CLCN6: variants seen among roughly 807,000 people sequenced by gnomAD.
CLCN6 encodes the protein H(+)/Cl(-) exchange transporter 6.
In CLCN6, 70 loss-of-function variants were observed where a neutral mutation model predicts 109.8. The observed-to-expected ratio is 0.64, with a 90% CI of 0.53 to 0.78. The LOEUF is 0.78. Ranked by LOEUF, CLCN6 falls within the 30% of genes least tolerant of loss-of-function variation. The pLI, the probability that CLCN6 is intolerant of heterozygous loss-of-function variation, is 0.00. For synonymous variants in CLCN6, 444 were observed against 447.8 expected (o/e 0.99, Z 0.11); for missense variants, 984 against 1,142.3 (o/e 0.86, Z 2.00).
At chr1:11,818,416 G>A (rs1479472922) in intron 4 of CLCN6, among the ~76,000 whole-genome samples, 4 of 151,252 alleles carry the variant, frequency 2.6e-5, no homozygotes, top group Non-Finnish European at 5.9e-5. Context: ...GTATAATGTA[G>A]ATATTCGAAA....
intron 20 of CLCN6, 52 bp from the exon 21 acceptor site, chr1:11,838,283 C>T (rs1644974951): frequency 1.3e-6 from 2 of 1,534,204 alleles, no homozygotes; most frequent in East Asian, 2.3e-5. Context: ...CTAAGGTGAC[C>T]CTGCTGGCCA....
At chr1:11,827,624 T>G (rs1281738083) in intron 10 of CLCN6, among the ~76,000 whole-genome samples, 1 of 151,616 alleles carries the variant, frequency 6.6e-6, no homozygotes, top group South Asian at 2.1e-4. Context: ...TTAGTAGAGA[T>G]GGGGCTTCTG....
At chr1:11,833,211 A>G (rs1043923666) in intron 13 of CLCN6, among the ~76,000 whole-genome samples, 21 of 152,034 alleles carry the variant, frequency 1.4e-4, no homozygotes, top group African/African-American at 4.8e-4. Context: ...TAGCAGCATC[A>G]CTTAGAAAGT....
rs774165996 is a variant in CLCN6 at position 11,829,333 on chromosome 1, T to A, written c.1248+11T>A. Reference sequence around the variant, plus strand: ...TCATTCCAGCTCCAGGTAACCCCAGTGCACCTGCTACCTTTATCCCATACC... The same window carrying A: ...TCATTCCAGCTCCAGGTAACCCCAGAGCACCTGCTACCTTTATCCCATACC... On this transcript the variant is annotated intron_variant, in intron 13 of 22. Coordinates refer to ENST00000346436, the MANE Select transcript of CLCN6 (RefSeq NM_001286.5). The A allele has an allele frequency of 6.2e-7, 1 of 1,614,018 alleles. No individual in the cohort carries two copies. The highest frequency in any genetic ancestry group is 8.5e-7 in the Non-Finnish European group (1 of 1,179,918).
At chr1:11,825,450 C>T (rs1442794522) in intron 8 of CLCN6, among the ~76,000 whole-genome samples, 5 of 152,210 alleles carry the variant, frequency 3.3e-5, no homozygotes, top group Admixed American at 6.5e-5. Context: ...AGAGCAGACT[C>T]GGTCTTCTGC....
rs2100660816 is a variant in CLCN6, at chr1:11,838,347, C to T, written c.2308C>T (p.Pro770Ser). The T allele has an allele frequency of 1.2e-6, 2 of 1,613,728 alleles. No homozygotes were observed. The highest frequency in any genetic ancestry group is 1.1e-5 in the South Asian group (1 of 91,090). Residue 770 changes from proline (P) to serine (S), a missense_variant, in exon 21 of 23, where the codon CCG becomes TCG. Physicochemically the swap from Pro to Ser is moderately conservative, Grantham distance 74. Coordinates refer to ENST00000346436, the MANE Select transcript of CLCN6 (RefSeq NM_001286.5). ...YSESQSSASQPRLSYAEMAED... is the reference protein window; with the variant it reads ...YSESQSSASQSRLSYAEMAED... ...GTTGGAATTGCAGAGCGCCAGCCAG[C>T]CGCGCCTCTCCTATGCCGAGATGGC...
At chr1:11,806,751 T>G (rs1411000638) in intron 1 of CLCN6, 1 of 353,798 alleles carries the variant, frequency 2.8e-6, no homozygotes, top group East Asian at 5.2e-5. Flanking sequence ...CAGTCCAGCT[T>G]CCCCCTGCAA....
intron 2 of CLCN6, among the ~76,000 whole-genome samples, chr1:11,807,595 C>T (rs111776518): frequency 6.6e-6 from 1 of 152,218 alleles, no homozygotes; most frequent in African/African-American, 2.4e-5. Flanking sequence ...TTTTCTTGCT[C>T]AAGCAGCTTC....
rs774670547 is a variant in CLCN6 at position 11,838,517 on chromosome 1, C to G, written c.2404-18C>G. 1.2e-6 allele frequency: 2 copies of G among 1,607,214 alleles called. No individual in the cohort carries two copies. The highest frequency in any genetic ancestry group is 1.7e-6 in the Non-Finnish European group (2 of 1,174,340). On this transcript the variant is annotated intron_variant, in intron 21 of 22. Coordinates refer to ENST00000346436, the MANE Select transcript of CLCN6 (RefSeq NM_001286.5). ...CGTTGGCGTCTCAGGCAGTCAGTGACACGTGGTCTCTTTGCAGGATGTCAC... is the reference window on the plus strand; with the variant it reads ...CGTTGGCGTCTCAGGCAGTCAGTGAGACGTGGTCTCTTTGCAGGATGTCAC...
intron 2 of CLCN6, among the ~76,000 whole-genome samples, chr1:11,813,701 T>A (rs2100610820): frequency 6.6e-6 from 1 of 152,328 alleles, no homozygotes; most frequent in Admixed American, 6.5e-5. Flanking sequence ...GATCATTTTT[T>A]AAAATATAAA....
chr1:11,840,164 C>T lies in CLCN6; in HGVS notation c.2551C>T (p.His851Tyr). Residue 851 changes from histidine to tyrosine, a missense_variant, in exon 23 of 23, where the codon CAC (histidine) becomes TAC (tyrosine). His to Tyr is a moderately conservative substitution (Grantham distance 83). Transcript: ENST00000346436. The stretch of plus-strand genomic sequence containing the variant: ...CTAGATCGTGGGGATCATCACACGG[C>T]ACAACCTCACCTATGAATTTCTGCA... ...VGEIVGIITR[H>Y]NLTYEFLQAR... 1 of 1,613,954 alleles carries T rather than the reference C, an allele frequency of 6.2e-7. No homozygotes were observed. Among genetic ancestry groups the T allele is most frequent in the Non-Finnish European group, 8.5e-7 (1 of 1,180,030 alleles).
intron 5 of CLCN6, among the ~76,000 whole-genome samples, chr1:11,821,774 A>G (rs572795503): frequency 6.6e-6 from 1 of 152,362 alleles, no homozygotes; most frequent in East Asian, 1.9e-4. Context: ...TTATAGCTTT[A>G]TGATAGCAAA....
intron 5 of CLCN6, among the ~76,000 whole-genome samples, chr1:11,822,410 C>G (rs978556616): frequency 1.3e-5 from 2 of 152,026 alleles, no homozygotes; most frequent in African/African-American, 4.8e-5. Flanking sequence ...AGGCATATAC[C>G]TTTTGTACTT....
chr1:11,811,831 T>G (rs1468345037), intron 2 of CLCN6, among the ~76,000 whole-genome samples: 1 of 152,224 alleles, frequency 6.6e-6, no homozygotes, highest in South Asian at 2.1e-4. Context: ...TCTAAAAACC[T>G]TCTAAATGTT....
Position 11,822,679 on chromosome 1 carries a change from A to G in CLCN6, c.347-16A>G. 1.9e-6 allele frequency: 3 copies of G among 1,555,514 alleles called. No individual in the cohort carries two copies. Among genetic ancestry groups the G allele is most frequent in the Non-Finnish European group, 2.7e-6 (3 of 1,127,104 alleles). ...CCTCGGCTGATGAACAAGTTTCCTT[A>G]ACCCAGTTTCCGCAGCGGTGGAGGA... is the stretch of plus-strand genomic sequence containing the variant. On this transcript the variant is annotated splice_polypyrimidine_tract_variant and intron_variant, in intron 5 of 22. Transcript: ENST00000346436.
chr1:11,834,060 A>G lies in CLCN6; in HGVS notation c.1526+30A>G, dbSNP rs746151690. ...TCTGTGTGTGTGCGTGTGTGTGCGC[A>G]TGTGCATGTGTGTGCACGTGTGCGT... On this transcript the variant is annotated intron_variant, in intron 15 of 22. Transcript: ENST00000346436. The surrounding 1 kb of genome is among the most constrained non-coding windows in gnomAD (Gnocchi z 4.5). 13 of 1,609,718 alleles carry G rather than the reference A, an allele frequency of 8.1e-6. No individual in the cohort carries two copies. The African/African-American group carries it at 1.1e-4, about 13-fold the overall frequency.
chr1:11,839,061 C>T (rs1420966621), intron 22 of CLCN6: 4 of 596,732 alleles, frequency 6.7e-6, no homozygotes, highest in African/African-American at 5.6e-5. Context: ...TTGCTGCAGA[C>T]TTTCCTTTTT....
Position 11,828,179 on chromosome 1 carries a change from C to G in CLCN6, c.914C>G (p.Ser305Cys). Residue 305 changes from serine (S) to cysteine (C), a missense_variant, in exon 11 of 23, where the codon TCC (serine) becomes TGC (cysteine). Coordinates refer to ENST00000346436, the MANE Select transcript of CLCN6 (RefSeq NM_001286.5). ...GGGATTCAGTTTGGAAGCTGGGGTT[C>G]CTTCCAGCTCCCTGGATTGCTGAAC... is the stretch of plus-strand genomic sequence containing the variant. The part of the protein sequence containing the change: ...RSGIQFGSWG[S>C]FQLPGLLNFG... 6.2e-7 allele frequency: 1 copy of G among 1,614,110 alleles called. No homozygotes were observed. Among genetic ancestry groups the G allele is most frequent in the Non-Finnish European group, 8.5e-7 (1 of 1,179,946 alleles).
chr1:11,842,143 T>G lies in CLCN6; in HGVS notation c.*1920T>G, dbSNP rs2100668988. On this transcript the variant is annotated 3_prime_UTR_variant, in exon 23 of 23. Coordinates refer to ENST00000346436, the MANE Select transcript of CLCN6 (RefSeq NM_001286.5). ...TTTGTCCCCTCTCCCCGCCCCTTCCTGGAGCTGGCAGAGCTAACGCCCTGC... is the reference window on the plus strand; with the variant it reads ...TTTGTCCCCTCTCCCCGCCCCTTCCGGGAGCTGGCAGAGCTAACGCCCTGC... The G allele has an allele frequency of 6.6e-6, 1 of 152,328 alleles. No homozygotes were observed. Among genetic ancestry groups the G allele is most frequent in the Non-Finnish European group, 1.5e-5 (1 of 68,026 alleles). The allele number at this position is 152,328 out of a possible 1,614,324, so 9.4% of individuals were successfully genotyped here.
Sources: gnomAD v4.1 joint callset for allele counts (sites outside exome capture counted in the v4.1 genomes callset) on GRCh38, gnomAD v4.1.1 for gene constraint, Gnocchi (gnomAD v3.1) non-coding constraint, MANE v1.5 for transcripts, NCBI Gene and HGNC (gene_info 2026-07-23, HGNC 2026-07-21) for gene names.